The following KCTD8 variants were observed in gnomAD, a reference collection of about 807,000 sequenced individuals.
KCTD8 encodes the protein potassium channel tetramerization domain containing 8.
KCTD8 carries 27 observed loss-of-function variants against 31.5 expected under a neutral mutation model. The ratio of observed to expected loss-of-function variants is 0.86; its 90% confidence interval spans 0.63 to 1.18. The LOEUF (loss-of-function observed/expected upper bound fraction) is 1.18. Among genes scored for constraint, KCTD8 ranks in the 50% most tolerant of loss-of-function variants. KCTD8 has a pLI of 0.00. For missense variants in KCTD8, 658 were observed against 647.7 expected, an observed-to-expected ratio of 1.02 and a Z score of -0.17; for synonymous variants, 290 against 280.0, an observed-to-expected ratio of 1.04 and a Z score of -0.36.
chr4:44,198,705 C>CA (rs1714024416), intron 1 of KCTD8, among the ~76,000 whole-genome samples: 1 of 152,086 alleles, frequency 6.6e-6, no homozygotes, highest in South Asian at 2.1e-4. Flanking sequence ...CACAAAAACA[C>CA]ACTAAGGACA....
intron 1 of KCTD8, among the ~76,000 whole-genome samples, chr4:44,434,229 C>G (rs1202533582): frequency 1.3e-5 from 2 of 151,824 alleles, no homozygotes; most frequent in African/African-American, 2.4e-5. Flanking sequence ...CCATTCAGTT[C>G]AAGGCAATTA....
rs554236659 is a variant in KCTD8 at position 44,414,880 on chromosome 4, T to C, written c.961+32683A>G. On this transcript the variant is annotated intron_variant, in intron 1 of 1. Coordinates refer to ENST00000360029, the MANE Select transcript of KCTD8 (RefSeq NM_198353.3). The stretch of plus-strand genomic sequence containing the variant: ...GAGTCAGCTGTTGCAATAAAGATAC[T>C]TGAGATTGTGGAAGCAGCCTTGGAA... 5.8e-4 allele frequency among the ~76,000 whole-genome samples: 88 copies of C among 152,104 alleles called. No individual in the cohort carries two copies. In the South Asian group the frequency reaches 0.017, roughly 29 times the overall value.
In KCTD8 at chr4:44,358,131, G is replaced by A. The variant is rs1052015706; in HGVS notation, c.961+89432C>T. Among the ~76,000 whole-genome samples, 20 of 151,684 alleles carry A rather than the reference G, an allele frequency of 1.3e-4. No homozygotes were observed. The East Asian group carries it at 1.6e-3, about 12-fold the overall frequency. On this transcript the variant is annotated intron_variant, in intron 1 of 1. Coordinates refer to ENST00000360029, the MANE Select transcript of KCTD8 (RefSeq NM_198353.3). Reference sequence around the variant, plus strand: ...CTCAATCTTCAACTCCCACTTATGAGTGAGAACATGCAGTGTTTGGTTTTC... The same window carrying A: ...CTCAATCTTCAACTCCCACTTATGAATGAGAACATGCAGTGTTTGGTTTTC...
intron 1 of KCTD8, among the ~76,000 whole-genome samples, chr4:44,194,728 T>C (rs967639896): frequency 8.1e-5 from 12 of 148,060 alleles, no homozygotes; most frequent in African/African-American, 3.0e-4. Context: ...GAATGAAAAA[T>C]TCAAATATTT....
chr4:44,377,611 C>A (rs543025709), intron 1 of KCTD8, among the ~76,000 whole-genome samples: 1 of 152,160 alleles, frequency 6.6e-6, no homozygotes, highest in South Asian at 2.1e-4. Context: ...GTCCAGCCTG[C>A]GGCGTCCAGG....
intron 1 of KCTD8, among the ~76,000 whole-genome samples, chr4:44,192,334 G>A (rs1054481025): frequency 1.3e-5 from 2 of 151,970 alleles, no homozygotes; most frequent in Admixed American, 1.3e-4. Context: ...AGGGTCATGT[G>A]CCCACATTCT....
intron 1 of KCTD8, among the ~76,000 whole-genome samples, chr4:44,264,679 C>A (rs1716284384): frequency 6.6e-6 from 1 of 152,132 alleles, no homozygotes. Context: ...GGTCACTCCC[C>A]CCCGAATACT....
At chr4:44,344,610 C>T (rs1356195164) in intron 1 of KCTD8, among the ~76,000 whole-genome samples, 3 of 152,136 alleles carry the variant, frequency 2.0e-5, no homozygotes, top group Non-Finnish European at 4.4e-5. Context: ...CATTAAGCCT[C>T]CCTCTCTCCT....
At chr4:44,302,626 A>G (rs1169882769) in intron 1 of KCTD8, among the ~76,000 whole-genome samples, 1 of 151,830 alleles carries the variant, frequency 6.6e-6, no homozygotes, top group African/African-American at 2.4e-5. Flanking sequence ...GGGCTGAGAC[A>G]ATGGGGTTTT....
At chr4:44,348,166 C>T (rs1164122978) in intron 1 of KCTD8, among the ~76,000 whole-genome samples, 16 of 152,032 alleles carry the variant, frequency 1.1e-4, no homozygotes, top group Middle Eastern at 3.2e-3. Flanking sequence ...CAACTTTGCA[C>T]GGTAAAGACA....
At chr4:44,212,501 T>C (rs902359871) in intron 1 of KCTD8, among the ~76,000 whole-genome samples, 5 of 152,192 alleles carry the variant, frequency 3.3e-5, no homozygotes, top group African/African-American at 1.2e-4. Context: ...GTCCACTGTA[T>C]ATGTGCATTT....
rs534907554 is a variant in KCTD8, at chr4:44,442,230, G to T, written c.961+5333C>A. 9.1e-4 allele frequency among the ~76,000 whole-genome samples: 138 copies of T among 151,998 alleles called. 1 individual carries two copies. Among genetic ancestry groups the T allele is most frequent in the African/African-American group, 3.0e-3 (126 of 41,460 alleles). ...AATGTACTACTTTTATGATTTTAAA[G>T]AGTTATTTAATCTTATTTTTTGTAA... On this transcript the variant is annotated intron_variant, in intron 1 of 1. Transcript: ENST00000360029.
intron 1 of KCTD8, among the ~76,000 whole-genome samples, chr4:44,284,665 A>G (rs1270417268): frequency 6.6e-6 from 1 of 152,206 alleles, no homozygotes; most frequent in African/African-American, 2.4e-5. Context: ...AAAAGAAACT[A>G]TCATCAGAGT....
intron 1 of KCTD8, among the ~76,000 whole-genome samples, chr4:44,323,505 C>T (rs924918727): frequency 7.5e-6 from 1 of 132,658 alleles, no homozygotes; most frequent in Non-Finnish European, 1.6e-5. Context: ...CACCCACCCC[C>T]CCCCAAAAAA....
chr4:44,399,619 G>A (rs1720595574), intron 1 of KCTD8, among the ~76,000 whole-genome samples: 1 of 152,086 alleles, frequency 6.6e-6, no homozygotes, highest in South Asian at 2.1e-4. Context: ...CATAATTCAG[G>A]GTATCCAATA....
chr4:44,176,326 T>C (rs1293319653), intron 1 of KCTD8, among the ~76,000 whole-genome samples: 1 of 152,166 alleles, frequency 6.6e-6, no homozygotes, highest in Non-Finnish European at 1.5e-5. Context: ...CTTGGAAGCA[T>C]ACTGGAATCA....
chr4:44,338,623 G>T (rs760539597), intron 1 of KCTD8, among the ~76,000 whole-genome samples: 4 of 152,170 alleles, frequency 2.6e-5, no homozygotes, highest in Non-Finnish European at 4.4e-5. Flanking sequence ...GATACCACAC[G>T]TGTGGTTTCG....
At chr4:44,210,817 G>A (rs1714466873) in intron 1 of KCTD8, among the ~76,000 whole-genome samples, 1 of 152,132 alleles carries the variant, frequency 6.6e-6, no homozygotes, top group Non-Finnish European at 1.5e-5. Context: ...TACTGGGAGA[G>A]TTTCTGCTTC....
chr4:44,242,339 G>T (rs1715526723), intron 1 of KCTD8, among the ~76,000 whole-genome samples: 1 of 152,166 alleles, frequency 6.6e-6, no homozygotes, highest in African/African-American at 2.4e-5. Context: ...AGCACTTTGG[G>T]AGGCCGACGC....
Sources: allele counts gnomAD v4.1 joint callset (sites outside exome capture counted in the v4.1 genomes callset), GRCh38; gene constraint gnomAD v4.1.1; transcripts MANE v1.5; gene names NCBI Gene and HGNC (gene_info 2026-07-23, HGNC 2026-07-21).